Variants in NEGR1 observed in about 807,000 individuals in gnomAD.
NEGR1 encodes the protein IgLON family member 4.
Under a neutral mutation model 40.9 loss-of-function variants are expected in NEGR1, and 10 were observed. The observed-to-expected ratio is 0.24, with a 90% CI of 0.15 to 0.42. The LOEUF (loss-of-function observed/expected upper bound fraction) is 0.42. Ranked by LOEUF, NEGR1 falls within the 10% of genes least tolerant of loss-of-function variation. The pLI, the probability that NEGR1 is intolerant of heterozygous loss-of-function variation, is 1.00. For synonymous variants in NEGR1, 185 were observed against 166.8 expected (o/e 1.11, Z -0.84); for missense variants, 352 against 438.9 (o/e 0.80, Z 1.77).
chr1:71,719,085 T>G (rs72944123), intron 3 of NEGR1, among the ~76,000 whole-genome samples: 11,476 of 152,242 alleles, frequency 0.075, 538 homozygotes, highest in East Asian at 0.16. Context: ...TGTGTCACTC[T>G]CTGGGGAAAG....
chr1:72,184,231 T>C (rs926015287), intron 1 of NEGR1, among the ~76,000 whole-genome samples: 1 of 152,090 alleles, frequency 6.6e-6, no homozygotes, highest in Non-Finnish European at 1.5e-5. Flanking sequence ...AAGTTTAGCA[T>C]AGTGATTCTT....
intron 4 of NEGR1, among the ~76,000 whole-genome samples, chr1:71,663,619 A>G (rs1652143632): frequency 6.6e-6 from 1 of 152,148 alleles, no homozygotes; most frequent in South Asian, 2.1e-4. Flanking sequence ...TCGCTTTTTA[A>G]TTTATCCCAT....
intron 2 of NEGR1, among the ~76,000 whole-genome samples, chr1:71,789,192 A>T (rs1280692269): frequency 1.3e-5 from 2 of 152,112 alleles, no homozygotes; most frequent in African/African-American, 4.8e-5. Flanking sequence ...CTGTAACTGA[A>T]CTACTTAGCT....
intron 6 of NEGR1, among the ~76,000 whole-genome samples, chr1:71,420,408 G>C (rs192041762): frequency 7.2e-4 from 110 of 152,088 alleles, no homozygotes; most frequent in African/African-American, 2.5e-3. Context: ...TGGAGTGCCT[G>C]CTATGTGTTA....
chr1:71,826,928 G>C (rs1658646059), intron 2 of NEGR1, among the ~76,000 whole-genome samples: 1 of 151,840 alleles, frequency 6.6e-6, no homozygotes, highest in South Asian at 2.1e-4. Flanking sequence ...TAAGCAAATA[G>C]CATTTTATTA....
intron 1 of NEGR1, among the ~76,000 whole-genome samples, chr1:72,000,046 A>T (rs1646544305): frequency 6.6e-6 from 1 of 151,998 alleles, no homozygotes; most frequent in Admixed American, 6.6e-5. Context: ...CCAGAATAAC[A>T]CTACGAAAGG....
At chr1:71,532,233 A>T (rs992378089) in intron 6 of NEGR1, among the ~76,000 whole-genome samples, 1 of 151,692 alleles carries the variant, frequency 6.6e-6, no homozygotes, top group African/African-American at 2.4e-5. Context: ...TCTCGATTTC[A>T]TGTCACTCAG....
chr1:71,462,371 G>A (rs1039834963), intron 6 of NEGR1, among the ~76,000 whole-genome samples: 1 of 152,064 alleles, frequency 6.6e-6, no homozygotes, highest in African/African-American at 2.4e-5. Flanking sequence ...ATGATAGCAT[G>A]CCAGGTAGAG....
intron 4 of NEGR1, among the ~76,000 whole-genome samples, chr1:71,615,126 C>T (rs754567258): frequency 2.0e-5 from 3 of 152,102 alleles, no homozygotes; most frequent in Non-Finnish European, 4.4e-5. Context: ...GAACCAAAAA[C>T]CTCTATTGAT....
intron 1 of NEGR1, among the ~76,000 whole-genome samples, chr1:72,111,150 T>C (rs142860339): frequency 9.3e-5 from 14 of 151,210 alleles, no homozygotes; most frequent in African/African-American, 3.4e-4. Context: ...AGATTTCTCA[T>C]TTCTCAGGTT....
chr1:71,932,166 T>A (rs554805264), intron 2 of NEGR1, among the ~76,000 whole-genome samples: 1 of 152,174 alleles, frequency 6.6e-6, no homozygotes, highest in African/African-American at 2.4e-5. Flanking sequence ...ACAGGAGCTA[T>A]ATGTAAACAT....
chr1:71,533,320 G>A (rs1470279083), intron 6 of NEGR1, among the ~76,000 whole-genome samples: 2 of 151,574 alleles, frequency 1.3e-5, no homozygotes, highest in African/African-American at 2.4e-5. Flanking sequence ...TTTCAATCAT[G>A]TTGTTTCTTA....
At chr1:72,061,110 A>T (rs1023446447) in intron 1 of NEGR1, among the ~76,000 whole-genome samples, 2 of 151,666 alleles carry the variant, frequency 1.3e-5, no homozygotes, top group South Asian at 2.1e-4. Flanking sequence ...TCCTCAGTGA[A>T]ATGTTTAATA....
intron 2 of NEGR1, among the ~76,000 whole-genome samples, chr1:71,878,289 G>A (rs1660488947): frequency 6.6e-6 from 1 of 152,026 alleles, no homozygotes; most frequent in South Asian, 2.1e-4. Context: ...TGAATTAAGT[G>A]CTTTCATTAT....
At chr1:71,980,261 T>A (rs1646342893) in intron 1 of NEGR1, among the ~76,000 whole-genome samples, 1 of 152,058 alleles carries the variant, frequency 6.6e-6, no homozygotes, top group Non-Finnish European at 1.5e-5. Context: ...AAAAATTCAA[T>A]CTAAAAATAA....
chr1:71,817,456 C>A (rs1257445446), intron 2 of NEGR1, among the ~76,000 whole-genome samples: 1 of 152,036 alleles, frequency 6.6e-6, no homozygotes, highest in Admixed American at 6.6e-5. Flanking sequence ...TTCCTTCTTG[C>A]CTCCTTTCAT....
chr1:71,602,450 A>G (rs1649955914), intron 5 of NEGR1, among the ~76,000 whole-genome samples: 1 of 147,234 alleles, frequency 6.8e-6, no homozygotes, highest in Non-Finnish European at 1.5e-5. Flanking sequence ...ACGGGGTTTC[A>G]CCGTTTTAGC....
chr1:72,164,936 G>A (rs1466204361), intron 1 of NEGR1, among the ~76,000 whole-genome samples: 1 of 151,986 alleles, frequency 6.6e-6, no homozygotes, highest in African/African-American at 2.4e-5. Context: ...TTGCTTTCAA[G>A]TCTTACAAAT....
rs72674967 is a variant in NEGR1, at chr1:71,411,280, G to A, written c.941-3710C>T. Among the ~76,000 whole-genome samples, 604 of 152,146 alleles carry A rather than the reference G, an allele frequency of 4.0e-3. 5 individuals carry two copies. The highest frequency in any genetic ancestry group is 6.7e-3 in the Non-Finnish European group (457 of 67,996). ...GCTCATTATACTTTGACCTGTACAGGTCAGACTACCTCCCTTAAGTATTTT... is the reference window on the plus strand; with the variant it reads ...GCTCATTATACTTTGACCTGTACAGATCAGACTACCTCCCTTAAGTATTTT... On this transcript the variant is annotated intron_variant, in intron 6 of 6. Coordinates refer to ENST00000357731, the MANE Select transcript of NEGR1 (RefSeq NM_173808.3).
Sources: gnomAD v4.1 joint callset for allele counts (sites outside exome capture counted in the v4.1 genomes callset) on GRCh38, gnomAD v4.1.1 for gene constraint, MANE v1.5 for transcripts, NCBI Gene and HGNC (gene_info 2026-07-23, HGNC 2026-07-21) for gene names.